KALRN: variants seen among roughly 807,000 people sequenced by gnomAD.
KALRN encodes kalirin RhoGEF kinase, also known as kalirin.
KALRN carries 70 observed loss-of-function variants against 353.7 expected under a neutral mutation model. That is an observed-to-expected ratio of 0.20 (90% CI 0.16 to 0.24). The LOEUF is 0.24. Ranked by LOEUF, KALRN falls within the 10% of genes least tolerant of loss-of-function variation. The pLI is 1.00. For synonymous variants in KALRN, 1,391 were observed against 1,434.8 expected, an observed-to-expected ratio of 0.97 and a Z score of 0.69; for missense variants, 2,791 against 3,756.7, an observed-to-expected ratio of 0.74 and a Z score of 6.72.
At chr3:124,179,881 T>G (rs1307738918) in intron 1 of KALRN, among the ~76,000 whole-genome samples, 1 of 152,242 alleles carries the variant, frequency 6.6e-6, no homozygotes, top group Non-Finnish European at 1.5e-5. Flanking sequence ...TCACCTAGTT[T>G]CGGACCGAGG....
chr3:124,669,105 G>A (rs769470697), intron 47 of KALRN, among the ~76,000 whole-genome samples: 3 of 152,184 alleles, frequency 2.0e-5, no homozygotes, highest in Non-Finnish European at 4.4e-5. Flanking sequence ...GGAGAGGTAA[G>A]TACTATTGTC....
intron 6 of KALRN, among the ~76,000 whole-genome samples, chr3:124,310,729 G>T (rs1311996498): frequency 6.6e-6 from 1 of 152,060 alleles, no homozygotes; most frequent in African/African-American, 2.4e-5. Flanking sequence ...AATGATGTTG[G>T]ACCCTTACCT....
In KALRN at chr3:124,490,790, G is replaced by A. The variant is rs774869083; in HGVS notation, c.4493G>A (p.Arg1498Gln). The change falls in exon 30 of 60, where the codon CGG becomes CAG. Residue 1498 changes from arginine (R) to glutamine (Q), a missense_variant. By Grantham distance (43) the Arg-to-Gln change is conservative. Coordinates refer to ENST00000682506, the MANE Select transcript of KALRN (RefSeq NM_001388419.1). ...TCGCTGATCCGGAAGGGGCGGGAGC[G>A]GCACTTGTTCCTCTTTGAGATCTCC... ...PKSLIRKGRERHLFLFEISLV... is the reference protein window; with the variant it reads ...PKSLIRKGREQHLFLFEISLV... The A allele has an allele frequency of 1.2e-6, 2 of 1,613,912 alleles. No individual in the cohort carries two copies. The highest frequency in any genetic ancestry group is 1.1e-5 in the South Asian group (1 of 91,060).
intron 34 of KALRN, among the ~76,000 whole-genome samples, chr3:124,569,057 G>A (rs1055018291): frequency 5.9e-5 from 9 of 152,184 alleles, no homozygotes; most frequent in African/African-American, 2.2e-4. Context: ...GTACCTGGCT[G>A]TACAGGACAC....
chr3:124,482,623 A>G (rs1375069038), intron 27 of KALRN, among the ~76,000 whole-genome samples, 185 bp from the exon 28 acceptor site: 1 of 151,020 alleles, frequency 6.6e-6, no homozygotes, highest in African/African-American at 2.4e-5. Context: ...TATTTTCTCT[A>G]TATGCATCTT....
chr3:124,244,523 G>T (rs972145159), intron 3 of KALRN, among the ~76,000 whole-genome samples: 1 of 152,180 alleles, frequency 6.6e-6, no homozygotes, highest in Non-Finnish European at 1.5e-5. Flanking sequence ...AGGCGTGAGC[G>T]ACCGCGCCTG....
chr3:124,397,283 ATT>A (rs2090286369), intron 12 of KALRN, among the ~76,000 whole-genome samples: 1 of 152,168 alleles, frequency 6.6e-6, no homozygotes, highest in Non-Finnish European at 1.5e-5. Flanking sequence ...GGGAGTAGAA[ATT>A]GTGCCTGTAT....
chr3:124,111,343 G>A (rs997811001), intron 1 of KALRN, among the ~76,000 whole-genome samples: 2 of 152,186 alleles, frequency 1.3e-5, no homozygotes, highest in Non-Finnish European at 2.9e-5. Context: ...TCCAGGAGAT[G>A]TTTCCTCATG....
intron 1 of KALRN, among the ~76,000 whole-genome samples, chr3:124,175,498 T>C (rs1384108638): frequency 1.3e-5 from 2 of 149,414 alleles, no homozygotes; most frequent in Non-Finnish European, 3.0e-5. Context: ...ATCTCCAGGA[T>C]GGGGAAATGT....
At chr3:124,140,592 A>G (rs1018925876) in intron 1 of KALRN, among the ~76,000 whole-genome samples, 2 of 152,208 alleles carry the variant, frequency 1.3e-5, no homozygotes, top group African/African-American at 2.4e-5. Flanking sequence ...TGCCCATGGC[A>G]AAGGCTAGAT....
At chr3:124,518,257 A>G in intron 33 of KALRN, 1 of 724,694 alleles carries the variant, frequency 1.4e-6, no homozygotes, top group Non-Finnish European at 2.5e-6. Flanking sequence ...TGTATTTTTC[A>G]GGTTGCACTC....
intron 14 of KALRN, among the ~76,000 whole-genome samples, chr3:124,421,276 A>C (rs540673487): frequency 1.3e-5 from 2 of 152,338 alleles, no homozygotes; most frequent in East Asian, 3.9e-4. Context: ...ATCAAGAAAC[A>C]ACATGTGTCA....
chr3:124,305,736 G>T (rs879145162), intron 6 of KALRN, among the ~76,000 whole-genome samples: 1 of 151,936 alleles, frequency 6.6e-6, no homozygotes, highest in Admixed American at 6.6e-5. Context: ...AAACAAATAA[G>T]CAAATAACAA....
chr3:124,346,548 G>A (rs2082280992), intron 9 of KALRN, among the ~76,000 whole-genome samples: 2 of 152,154 alleles, frequency 1.3e-5, no homozygotes, highest in South Asian at 2.1e-4. Context: ...GGTTGGTATC[G>A]ATTGGAGGAG....
intron 1 of KALRN, among the ~76,000 whole-genome samples, chr3:124,144,592 C>T (rs187905711): frequency 7.3e-5 from 11 of 151,632 alleles, no homozygotes; most frequent in South Asian, 4.2e-4. Context: ...TCCTCTTCCT[C>T]GTCTTCCTTC....
intron 33 of KALRN, among the ~76,000 whole-genome samples, chr3:124,506,406 C>T (rs2065235315): frequency 6.6e-6 from 1 of 152,204 alleles, no homozygotes. Context: ...TTTTCAGTCT[C>T]TCCCATTTGT....
At chr3:124,564,997 C>T (rs1276356535) in intron 34 of KALRN, among the ~76,000 whole-genome samples, 1 of 152,204 alleles carries the variant, frequency 6.6e-6, no homozygotes, top group Non-Finnish European at 1.5e-5. Flanking sequence ...AAGATGGGGA[C>T]GAGGGTCAGC....
At chr3:124,635,345 A>G (rs1219213993) in intron 36 of KALRN, among the ~76,000 whole-genome samples, 2 of 152,212 alleles carry the variant, frequency 1.3e-5, no homozygotes. Context: ...GCATAAGGTC[A>G]CCACCTTCTC....
intron 33 of KALRN, among the ~76,000 whole-genome samples, chr3:124,517,014 C>G (rs2066673041): frequency 6.6e-6 from 1 of 152,110 alleles, no homozygotes; most frequent in African/African-American, 2.4e-5. Flanking sequence ...GACGGGGTTT[C>G]ACTGTGTTGG....
Sources: allele counts gnomAD v4.1 joint callset (sites outside exome capture counted in the v4.1 genomes callset), GRCh38; gene constraint gnomAD v4.1.1; transcripts MANE v1.5; gene names NCBI Gene and HGNC (gene_info 2026-07-23, HGNC 2026-07-21).